Variants in CACNA1C observed in about 807,000 individuals in gnomAD.
CACNA1C encodes the protein voltage-dependent L-type calcium channel subunit alpha-1C.
Under a neutral mutation model 229.0 loss-of-function variants are expected in CACNA1C, and 30 were observed. The ratio of observed to expected loss-of-function variants is 0.13; its 90% CI spans 0.10 to 0.18. The LOEUF (loss-of-function observed/expected upper bound fraction) is 0.18, where lower values mean the gene tolerates loss of function less well. Ranked by LOEUF, CACNA1C falls within the 10% of genes least tolerant of loss-of-function variation. CACNA1C has a pLI of 1.00. For missense variants in CACNA1C, 1,658 were observed against 2,845.0 expected, an observed-to-expected ratio of 0.58 and a Z score of 9.49; for synonymous variants, 1,114 against 1,132.5, an observed-to-expected ratio of 0.98 and a Z score of 0.33.
At chr12:2,455,421 A>AT (rs2099411546) in intron 4 of CACNA1C, among the ~76,000 whole-genome samples, 1 of 152,220 alleles carries the variant, frequency 6.6e-6, no homozygotes, top group Admixed American at 6.5e-5. Flanking sequence ...CTCATGAATG[A>AT]TTTTTTATAT....
At chr12:2,256,423 T>C (rs78308994) in intron 3 of CACNA1C, among the ~76,000 whole-genome samples, 9,789 of 152,290 alleles carry the variant, frequency 0.064, 433 homozygotes, top group African/African-American at 0.12. Flanking sequence ...ATTCTGATGG[T>C]ATAGAAGAAA....
At chr12:2,115,613 C>A in intron 2 of CACNA1C, 68 bp downstream of exon 2, 1 of 1,485,156 alleles carries the variant, frequency 6.7e-7, no homozygotes, top group Non-Finnish European at 9.3e-7. Context: ...CTCCGAGGCT[C>A]CCTGGGCCAC....
At chr12:2,481,947 G>A (rs1860096) in intron 5 of CACNA1C, among the ~76,000 whole-genome samples, 2,148 of 152,368 alleles carry the variant, frequency 0.014, 51 homozygotes, top group African/African-American at 0.047. Flanking sequence ...GCTTATCAGC[G>A]GTGAGCATGG....
intron 1 of CACNA1C, among the ~76,000 whole-genome samples, chr12:2,023,644 C>G (rs1206700744): frequency 6.6e-6 from 1 of 152,156 alleles, no homozygotes; most frequent in Non-Finnish European, 1.5e-5. Flanking sequence ...GTAACTGTTC[C>G]AGGACAAGTC....
At chr12:1,985,950 G>T (rs540031602) in intron 1 of CACNA1C, among the ~76,000 whole-genome samples, 1 of 152,074 alleles carries the variant, frequency 6.6e-6, no homozygotes, top group Non-Finnish European at 1.5e-5. Flanking sequence ...AGCTGGGACT[G>T]CAGGTGCCTG....
intron 3 of CACNA1C, among the ~76,000 whole-genome samples, chr12:2,184,719 G>T (rs1424791620): frequency 6.6e-6 from 1 of 152,172 alleles, no homozygotes; most frequent in African/African-American, 2.4e-5. Context: ...CTAAGTCCTG[G>T]GCTCACGGAA....
At chr12:2,615,852 G>A (rs1460852588) in intron 29 of CACNA1C, among the ~76,000 whole-genome samples, 5 of 152,232 alleles carry the variant, frequency 3.3e-5, no homozygotes, top group African/African-American at 9.6e-5. Context: ...GGCGATGAGT[G>A]AGAGGCTGCG....
chr12:2,685,289 TTGC>T (rs2097392667), intron 43 of CACNA1C, among the ~76,000 whole-genome samples: 1 of 150,472 alleles, frequency 6.6e-6, no homozygotes, highest in Non-Finnish European at 1.5e-5. Flanking sequence ...TTATGTGCTC[TTGC>T]TGATGAGGGG....
chr12:2,352,591 A>G (rs2097235597), intron 3 of CACNA1C, among the ~76,000 whole-genome samples: 1 of 151,834 alleles, frequency 6.6e-6, no homozygotes. Context: ...GCACTGCATT[A>G]TTTGTTGGGG....
At chr12:1,984,560 C>T (rs2037094677) in intron 1 of CACNA1C, among the ~76,000 whole-genome samples, 1 of 152,016 alleles carries the variant, frequency 6.6e-6, no homozygotes, top group African/African-American at 2.4e-5. Context: ...TCCGTATACA[C>T]TGAACCTCCT....
rs141765737 is a variant in CACNA1C at position 1,976,327 on chromosome 12, G to T, written c.139+5126G>T. Among the ~76,000 whole-genome samples, 255 of 152,316 alleles carry T rather than the reference G, an allele frequency of 1.7e-3. 2 individuals carry two copies. Among genetic ancestry groups the T allele is most frequent in the Middle Eastern group, 6.8e-3 (2 of 294 alleles). On this transcript the variant is annotated intron_variant, in intron 1 of 46. Coordinates refer to the CACNA1C transcript ENST00000682462. Reference sequence around the variant, plus strand: ...GGCAAAGGAGACTTAGAGACACAAAGTAAGATTCAGTGACCACATTATGAT... The same window carrying T: ...GGCAAAGGAGACTTAGAGACACAAATTAAGATTCAGTGACCACATTATGAT...
chr12:2,476,092 C>T (rs909155384), intron 5 of CACNA1C, among the ~76,000 whole-genome samples: 2 of 152,226 alleles, frequency 1.3e-5, no homozygotes, highest in African/African-American at 4.8e-5. Flanking sequence ...CTTACTCTGC[C>T]TGGAGCACAA....
chr12:2,051,019 A>G (rs908941315), upstream of CACNA1C, among the ~76,000 whole-genome samples: 1 of 152,218 alleles, frequency 6.6e-6, no homozygotes, highest in Non-Finnish European at 1.5e-5. Flanking sequence ...GTGGGGGGAT[A>G]CAGACAATAA....
chr12:2,367,710 G>T (rs747210289), intron 3 of CACNA1C, among the ~76,000 whole-genome samples: 3 of 151,910 alleles, frequency 2.0e-5, no homozygotes, highest in Non-Finnish European at 4.4e-5. Context: ...TGGAAATTTA[G>T]AAATAAAAAA....
chr12:2,225,243 A>G (rs2062623000), intron 3 of CACNA1C, among the ~76,000 whole-genome samples: 1 of 152,354 alleles, frequency 6.6e-6, no homozygotes, highest in South Asian at 2.1e-4. Flanking sequence ...GTAGCATTGC[A>G]CAAAGAGAAT....
In CACNA1C at chr12:2,187,582, A is replaced by G. The variant is rs1000144448; in HGVS notation, c.477+67152A>G. On this transcript the variant is annotated intron_variant, in intron 3 of 46. Coordinates refer to ENST00000399655, the MANE Select transcript of CACNA1C (RefSeq NM_000719.7). The stretch of plus-strand genomic sequence containing the variant: ...CAGGTAAGTCTCCCTCTCAGAGGGA[A>G]AAGCTGATTCTTCCAGGCAAGGGTG... Among the ~76,000 whole-genome samples the G allele has an allele frequency of 2.0e-5, 3 of 152,340 alleles. No individual in the cohort carries two copies. In the East Asian group the frequency reaches 5.8e-4, roughly 29 times the overall value.
intron 3 of CACNA1C, among the ~76,000 whole-genome samples, chr12:2,142,459 CTG>C (rs879795747): frequency 6.6e-6 from 1 of 151,250 alleles, no homozygotes; most frequent in Non-Finnish European, 1.5e-5. Flanking sequence ...TAATAAATGA[CTG>C]TTACTGATTT....
At chr12:2,379,039 G>A (rs1209897691) in intron 3 of CACNA1C, among the ~76,000 whole-genome samples, 2 of 152,184 alleles carry the variant, frequency 1.3e-5, no homozygotes, top group African/African-American at 2.4e-5. Context: ...TCTTTTTGTT[G>A]TTTACTCATA....
intron 13 of CACNA1C, among the ~76,000 whole-genome samples, chr12:2,579,989 T>C (rs2059924436): frequency 6.6e-6 from 1 of 152,172 alleles, no homozygotes; most frequent in Non-Finnish European, 1.5e-5. Context: ...TCTCTTACTT[T>C]TTCCTTTAAG....
Sources: allele counts gnomAD v4.1 joint callset (sites outside exome capture counted in the v4.1 genomes callset), GRCh38; gene constraint gnomAD v4.1.1; transcripts MANE v1.5; gene names NCBI Gene and HGNC (gene_info 2026-07-23, HGNC 2026-07-21).